The following PRKD1 variants were observed in gnomAD, a reference collection of about 807,000 sequenced individuals.
PRKD1 encodes the protein protein kinase D1, also known as serine/threonine-protein kinase D1.
Under a neutral mutation model 95.9 loss-of-function variants are expected in PRKD1, and 63 were observed. The ratio of observed to expected loss-of-function variants is 0.66; its 90% CI spans 0.54 to 0.81. PRKD1 has a LOEUF of 0.81. Among genes scored for constraint, PRKD1 ranks in the 30% least tolerant of loss-of-function variants. The probability of loss-of-function intolerance (pLI) is 0.00; values close to 1 mark genes in which losing one functional copy is unlikely to be tolerated. For synonymous variants in PRKD1, 425 were observed against 423.1 expected (o/e 1.00, Z -0.05); for missense variants, 1,048 against 1,165.3 (o/e 0.90, Z 1.47).
intron 7 of PRKD1, 128 bp downstream of exon 7, chr14:29,636,162 T>C (rs1167024265): frequency 1.8e-6 from 2 of 1,129,464 alleles, no homozygotes; most frequent in Non-Finnish European, 2.6e-6. Context: ...CAGCACGCAG[T>C]TCATTCATAT....
intron 4 of PRKD1, chr14:29,652,738 T>C (rs1162108563): frequency 6.6e-6 from 1 of 152,242 alleles, no homozygotes; most frequent in Non-Finnish European, 1.5e-5. Context: ...AAAATGACTT[T>C]TTATTTCAGA....
chr14:29,893,968 G>A (rs1894029165), intron 1 of PRKD1, among the ~76,000 whole-genome samples: 1 of 152,206 alleles, frequency 6.6e-6, no homozygotes, highest in Non-Finnish European at 1.5e-5. Flanking sequence ...TGACCTCATG[G>A]AACCCAGAAT....
chr14:29,920,701 G>T (rs957544296), intron 1 of PRKD1, among the ~76,000 whole-genome samples: 1 of 151,652 alleles, frequency 6.6e-6, no homozygotes, highest in Non-Finnish European at 1.5e-5. Context: ...TTTTCTAAAG[G>T]TTTTATAATG....
rs554230640 is a variant in PRKD1 at position 29,747,857 on chromosome 14, C to T, written c.265-22183G>A. On this transcript the variant is annotated intron_variant, in intron 1 of 17. Transcript: ENST00000331968. ...CTCCTGAACTCAAGCGATTCTCATGCCTCTGCCTACCGAGCAGCTGGGATT... is the reference window on the plus strand; with the variant it reads ...CTCCTGAACTCAAGCGATTCTCATGTCTCTGCCTACCGAGCAGCTGGGATT... 6.6e-5 allele frequency among the ~76,000 whole-genome samples: 10 copies of T among 152,234 alleles called. No individual in the cohort carries two copies. The South Asian group carries it at 2.1e-3, about 32-fold the overall frequency.
chr14:29,640,860 C>G (rs1306076597), intron 4 of PRKD1, among the ~76,000 whole-genome samples: 2 of 152,150 alleles, frequency 1.3e-5, no homozygotes, highest in African/African-American at 2.4e-5. Context: ...CAGTTACATT[C>G]CTTAATTTAA....
At chr14:29,772,784 C>T (rs1036988144) in intron 1 of PRKD1, among the ~76,000 whole-genome samples, 7 of 152,144 alleles carry the variant, frequency 4.6e-5, no homozygotes, top group African/African-American at 9.7e-5. Context: ...TTCAGCTTTC[C>T]TGCAAAAACG....
chr14:29,585,594 T>C (rs1238026930), intron 16 of PRKD1, among the ~76,000 whole-genome samples: 4 of 152,196 alleles, frequency 2.6e-5, no homozygotes, highest in Admixed American at 6.5e-5. Flanking sequence ...ATCATGTTCA[T>C]ACTGGACTTG....
chr14:29,648,512 C>T (rs1881282588), intron 4 of PRKD1, among the ~76,000 whole-genome samples: 1 of 152,086 alleles, frequency 6.6e-6, no homozygotes, highest in Non-Finnish European at 1.5e-5. Context: ...AGATGACAAC[C>T]ATTCACTAAA....
intron 2 of PRKD1, among the ~76,000 whole-genome samples, chr14:29,687,322 G>T (rs1332840563): frequency 6.6e-6 from 1 of 152,134 alleles, no homozygotes. Flanking sequence ...CTGAAACCAG[G>T]AATCTTCAGA....
chr14:29,747,695 A>G (rs1887292705), intron 1 of PRKD1, among the ~76,000 whole-genome samples: 1 of 152,200 alleles, frequency 6.6e-6, no homozygotes, highest in South Asian at 2.1e-4. Context: ...AAAATAAGCA[A>G]GATAGAAATG....
chr14:29,710,586 A>G (rs976395694), intron 2 of PRKD1, among the ~76,000 whole-genome samples: 18 of 152,252 alleles, frequency 1.2e-4, no homozygotes, highest in African/African-American at 4.3e-4. Flanking sequence ...AACAGAGCAG[A>G]GGAGACTTTG....
chr14:29,871,536 C>G lies in PRKD1; in HGVS notation c.264+55713G>C, dbSNP rs1893107822. Among the ~76,000 whole-genome samples the G allele has an allele frequency of 2.0e-5, 3 of 152,124 alleles. No individual in the cohort carries two copies. In the South Asian group the frequency reaches 6.2e-4, roughly 32 times the overall value. ...TGACCTCGAACAAGTGACTTGCCCT[C>G]TCTGTGTTTCAGCTTGCTCATTTAT... On this transcript the variant is annotated intron_variant, in intron 1 of 17. Transcript: ENST00000331968.
chr14:29,801,718 C>T (rs570461215), intron 1 of PRKD1, among the ~76,000 whole-genome samples: 10 of 151,812 alleles, frequency 6.6e-5, no homozygotes, highest in African/African-American at 1.9e-4. Context: ...GATGGAGTTT[C>T]GCTCTTGTTG....
At position 29,659,882 on chromosome 14, in the gene PRKD1, C is replaced by T. The variant is rs1285507814; in HGVS notation, c.696+3817G>A. ...TGATATATTGTATTGAAAATGTCTTCTCCCACTCACTTTTCTATTCTCTTA... is the reference window on the plus strand; with the variant it reads ...TGATATATTGTATTGAAAATGTCTTTTCCCACTCACTTTTCTATTCTCTTA... On this transcript the variant is annotated intron_variant, in intron 4 of 17. Coordinates refer to ENST00000331968, the MANE Select transcript of PRKD1 (RefSeq NM_002742.3). Among the ~76,000 whole-genome samples the T allele has an allele frequency of 1.3e-5, 2 of 152,056 alleles. 1 individual carries two copies. The highest frequency in any genetic ancestry group is 4.8e-5 in the African/African-American group (2 of 41,386).
At chr14:29,723,607 T>C (rs565216758) in intron 2 of PRKD1, among the ~76,000 whole-genome samples, 1 of 151,988 alleles carries the variant, frequency 6.6e-6, no homozygotes, top group Non-Finnish European at 1.5e-5. Flanking sequence ...GGAGAGGAGC[T>C]GGGAGAGTAC....
At position 29,631,487 on chromosome 14, in the gene PRKD1, G is replaced by A. The variant is rs528425936; in HGVS notation, c.1393-466C>T. ...TTTAAGTGAGGACAACTAGAGATTGGTTTTAAAATGGTCTTTTTTTTTTTT... is the reference window on the plus strand; with the variant it reads ...TTTAAGTGAGGACAACTAGAGATTGATTTTAAAATGGTCTTTTTTTTTTTT... On this transcript the variant is annotated intron_variant, in intron 9 of 17. Coordinates refer to ENST00000331968, the MANE Select transcript of PRKD1 (RefSeq NM_002742.3). Among the ~76,000 whole-genome samples, 58 of 150,054 alleles carry A rather than the reference G, an allele frequency of 3.9e-4. No homozygotes were observed. In the South Asian group the frequency reaches 0.011, roughly 28 times the overall value.
intron 13 of PRKD1, among the ~76,000 whole-genome samples, chr14:29,614,884 GTA>G (rs1878745261): frequency 1.8e-5 from 1 of 56,988 alleles, no homozygotes; most frequent in African/African-American, 7.3e-5. Context: ...TTTTTTTTTT[GTA>G]TTTTTAGTAG....
At position 29,642,637 on chromosome 14, in the gene PRKD1, A is replaced by C. The variant is rs185712794; in HGVS notation, c.697-3733T>G. 5.1e-3 allele frequency among the ~76,000 whole-genome samples: 780 copies of C among 152,308 alleles called. 7 individuals carry two copies. Among genetic ancestry groups the C allele is most frequent in the African/African-American group, 0.018 (752 of 41,582 alleles). ...TATAACAACTTTGTATGTTTATTAT[A>C]CATAAATAAAACTCAAATTCTTCAT... is the stretch of plus-strand genomic sequence containing the variant. On this transcript the variant is annotated intron_variant, in intron 4 of 17. Coordinates refer to ENST00000331968, the MANE Select transcript of PRKD1 (RefSeq NM_002742.3).
intron 1 of PRKD1, among the ~76,000 whole-genome samples, chr14:29,764,261 C>A (rs1888160921): frequency 1.3e-5 from 2 of 151,496 alleles, no homozygotes; most frequent in African/African-American, 2.4e-5. Context: ...ATTTTCAGAA[C>A]AATCTTTCTC....
Sources: gnomAD v4.1 joint callset for allele counts (sites outside exome capture counted in the v4.1 genomes callset) on GRCh38, gnomAD v4.1.1 for gene constraint, MANE v1.5 for transcripts, NCBI Gene and HGNC (gene_info 2026-07-23, HGNC 2026-07-21) for gene names.